MACROD2: variants seen among roughly 807,000 people sequenced by gnomAD.
The protein encoded by MACROD2 is mono-ADP ribosylhydrolase 2, also known as ADP-ribose glycohydrolase MACROD2.
MACROD2 carries 36 observed loss-of-function variants against 70.4 expected under a neutral mutation model. The ratio of observed to expected loss-of-function variants is 0.51; its 90% CI spans 0.39 to 0.68. The LOEUF (loss-of-function observed/expected upper bound fraction) is 0.68, where lower values mean the gene tolerates loss of function less well. Ranked by LOEUF, MACROD2 falls within the 30% of genes least tolerant of loss-of-function variation. The pLI is 0.00. For synonymous variants in MACROD2, 172 were observed against 178.8 expected (o/e 0.96, Z 0.30); for missense variants, 496 against 538.4 (o/e 0.92, Z 0.78).
In MACROD2 at chr20:15,403,873, G is replaced by A. The variant is rs144354192; in HGVS notation, c.541-27532G>A. ...AGAACTATGTCTTCAACCGTTATGG[G>A]AGAAAATAAATTCATATTTGTTTAA... On this transcript the variant is annotated intron_variant, in intron 6 of 17. Transcript: ENST00000684519. Among the ~76,000 whole-genome samples the A allele has an allele frequency of 8.4e-3, 1,274 of 152,268 alleles. 11 individuals carry two copies. Among genetic ancestry groups the A allele is most frequent in the Middle Eastern group, 0.034 (10 of 294 alleles).
intron 4 of MACROD2, among the ~76,000 whole-genome samples, chr20:14,684,055 C>A (rs888444288): frequency 6.6e-6 from 1 of 152,128 alleles, no homozygotes; most frequent in Non-Finnish European, 1.5e-5. Context: ...ATGTCAAAGG[C>A]GCCCAGATGT....
intron 4 of MACROD2, among the ~76,000 whole-genome samples, chr20:14,527,090 G>A (rs997452030): frequency 3.3e-5 from 5 of 152,210 alleles, no homozygotes; most frequent in East Asian, 1.9e-4. Context: ...TCCGCTTGGC[G>A]GACTGGGCTC....
intron 5 of MACROD2, among the ~76,000 whole-genome samples, chr20:15,201,545 A>G (rs945861225): frequency 6.6e-6 from 1 of 152,220 alleles, no homozygotes; most frequent in Non-Finnish European, 1.5e-5. Flanking sequence ...ACTCTAATTC[A>G]TGAATACTGC....
intron 2 of MACROD2, chr20:14,053,791 T>C (rs1182712178): frequency 3.9e-5 from 6 of 152,130 alleles, no homozygotes; most frequent in African/African-American, 1.2e-4. Flanking sequence ...TAACTGTGCT[T>C]TTTGTGATGC....
chr20:14,060,962 A>C (rs1467215911), intron 2 of MACROD2, among the ~76,000 whole-genome samples: 2 of 152,150 alleles, frequency 1.3e-5, no homozygotes, highest in Non-Finnish European at 2.9e-5. Context: ...ATAGCCATGA[A>C]AATATTAACA....
At chr20:15,485,137 A>G (rs2047147431) in intron 7 of MACROD2, among the ~76,000 whole-genome samples, 1 of 151,812 alleles carries the variant, frequency 6.6e-6, no homozygotes, top group South Asian at 2.1e-4. Flanking sequence ...AGTAAGAAAA[A>G]GATCATGTGC....
chr20:14,482,410 C>T (rs193095519), intron 3 of MACROD2, among the ~76,000 whole-genome samples: 2 of 151,418 alleles, frequency 1.3e-5, no homozygotes, highest in East Asian at 2.0e-4. Flanking sequence ...ATAATTTCCA[C>T]TTTATTCCTT....
intron 3 of MACROD2, among the ~76,000 whole-genome samples, chr20:14,154,308 A>G (rs2055063112): frequency 6.6e-6 from 1 of 152,146 alleles, no homozygotes; most frequent in Admixed American, 6.5e-5. Context: ...AATACCAGCA[A>G]CAAAGGGAAA....
At chr20:15,644,542 C>T (rs888579128) in intron 8 of MACROD2, among the ~76,000 whole-genome samples, 1 of 152,088 alleles carries the variant, frequency 6.6e-6, no homozygotes, top group Non-Finnish European at 1.5e-5. Context: ...TTCTTTCTAT[C>T]GAGAATTTAC....
At chr20:15,777,153 G>C (rs1295534540) in intron 8 of MACROD2, among the ~76,000 whole-genome samples, 3 of 151,928 alleles carry the variant, frequency 2.0e-5, no homozygotes, top group Non-Finnish European at 2.9e-5. Context: ...AGGAATTTAG[G>C]GACATGGATT....
chr20:15,720,177 A>G (rs1002397633), intron 8 of MACROD2, among the ~76,000 whole-genome samples: 1 of 152,048 alleles, frequency 6.6e-6, no homozygotes, highest in Non-Finnish European at 1.5e-5. Context: ...TATTTACCAC[A>G]TTTTCTTTAT....
At chr20:15,883,517 C>T (rs546320433) in intron 9 of MACROD2, among the ~76,000 whole-genome samples, 1 of 152,104 alleles carries the variant, frequency 6.6e-6, no homozygotes, top group South Asian at 2.1e-4. Context: ...TAAAAGTTAA[C>T]CATAGTTATC....
At chr20:15,840,731 A>G (rs2064161078) in intron 8 of MACROD2, among the ~76,000 whole-genome samples, 3 of 152,164 alleles carry the variant, frequency 2.0e-5, no homozygotes, top group Non-Finnish European at 2.9e-5. Context: ...AGTATCAAGT[A>G]AAATATAAAC....
chr20:15,738,442 T>C (rs1051361357), intron 8 of MACROD2, among the ~76,000 whole-genome samples: 3 of 152,124 alleles, frequency 2.0e-5, no homozygotes, highest in African/African-American at 7.2e-5. Context: ...AGGACACGTT[T>C]CACAGAATTT....
At chr20:15,106,068 T>C (rs2075908578) in intron 5 of MACROD2, among the ~76,000 whole-genome samples, 1 of 152,190 alleles carries the variant, frequency 6.6e-6, no homozygotes, top group African/African-American at 2.4e-5. Flanking sequence ...AACACTGCTT[T>C]GCACCCCATA....
At chr20:15,051,129 A>T (rs969662643) in intron 5 of MACROD2, among the ~76,000 whole-genome samples, 2 of 151,604 alleles carry the variant, frequency 1.3e-5, no homozygotes, top group African/African-American at 4.8e-5. Flanking sequence ...GTCTGATTTA[A>T]CTAATGTAAG....
intron 8 of MACROD2, among the ~76,000 whole-genome samples, chr20:15,540,452 G>C (rs1042689626): frequency 6.6e-6 from 1 of 152,166 alleles, no homozygotes; most frequent in African/African-American, 2.4e-5. Flanking sequence ...AGAGACTCTT[G>C]TAGCAATTCA....
intron 5 of MACROD2, among the ~76,000 whole-genome samples, chr20:14,879,700 A>G (rs764654040): frequency 2.6e-5 from 4 of 152,186 alleles, no homozygotes; most frequent in Non-Finnish European, 5.9e-5. Flanking sequence ...TGGCATATAT[A>G]GAGTATAGCT....
intron 3 of MACROD2, among the ~76,000 whole-genome samples, chr20:14,402,338 T>A (rs1402997408): frequency 6.6e-6 from 1 of 152,194 alleles, no homozygotes; most frequent in African/African-American, 2.4e-5. Flanking sequence ...CCAAGAGAAT[T>A]GTATTTATCC....
Sources: allele counts gnomAD v4.1 joint callset (sites outside exome capture counted in the v4.1 genomes callset), GRCh38; gene constraint gnomAD v4.1.1; transcripts MANE v1.5; gene names NCBI Gene and HGNC (gene_info 2026-07-23, HGNC 2026-07-21).